The following PPP2R5B variants were observed in gnomAD, a reference collection of about 807,000 sequenced individuals.
PPP2R5B encodes the protein protein phosphatase 2 regulatory subunit B'beta.
A neutral mutation model predicts 59.9 loss-of-function variants in PPP2R5B; 19 were observed. The observed-to-expected ratio is 0.32, with a 90% CI of 0.22 to 0.47. PPP2R5B has a LOEUF of 0.47. Ranked by LOEUF, PPP2R5B falls within the 20% of genes least tolerant of loss-of-function variation. PPP2R5B has a pLI of 1.00. For synonymous variants in PPP2R5B, 286 were observed against 260.5 expected, an observed-to-expected ratio of 1.10 and a Z score of -0.94; for missense variants, 441 against 640.2, an observed-to-expected ratio of 0.69 and a Z score of 3.36.
At chr11:64,928,017 G>A in intron 4 of PPP2R5B, 49 bp from the exon 5 acceptor site, 1 of 1,585,354 alleles carries the variant, frequency 6.3e-7, no homozygotes, top group South Asian at 1.1e-5. Flanking sequence ...TGGAATGAGT[G>A]GGTGAGGCTG....
At chr11:64,930,832 C>T (rs1158479774) in intron 8 of PPP2R5B, among the ~76,000 whole-genome samples, 1 of 152,170 alleles carries the variant, frequency 6.6e-6, no homozygotes, top group East Asian at 1.9e-4. Context: ...CATCTATATT[C>T]CCAAATATTT....
chr11:64,922,149 T>C (rs1295464478), upstream of PPP2R5B, among the ~76,000 whole-genome samples: 1 of 150,972 alleles, frequency 6.6e-6, no homozygotes, highest in Non-Finnish European at 1.5e-5. Context: ...GAGGCAGAGG[T>C]TGCAGTGAGC....
rs1170701255 is a variant in PPP2R5B, at chr11:64,933,372, C to A, written c.1346+126C>A. ...ATCAGATGCTGCAAGACTGTCCATGCTCCTGCCATCCTATGCCTGACTGTC... is the reference window on the plus strand; with the variant it reads ...ATCAGATGCTGCAAGACTGTCCATGATCCTGCCATCCTATGCCTGACTGTC... On this transcript the variant is annotated intron_variant, in intron 13 of 13. Coordinates refer to ENST00000164133, the MANE Select transcript of PPP2R5B (RefSeq NM_006244.4). The A allele has an allele frequency of 8.4e-6, 7 of 828,902 alleles. No individual in the cohort carries two copies. In the African/African-American group the frequency reaches 1.2e-4, roughly 14 times the overall value. The allele number at this position is 828,902 out of a possible 1,614,324, so 51.3% of individuals were successfully genotyped here. A position where few individuals can be genotyped will look rare whatever the true frequency, so the allele number is the denominator to read the frequency against.
rs1047769681 is a variant in PPP2R5B at position 64,933,928 on chromosome 11, A to G, written c.*84A>G. 2 of 1,400,116 alleles carry G rather than the reference A, an allele frequency of 1.4e-6. No homozygotes were observed. Among genetic ancestry groups the G allele is most frequent in the African/African-American group, 1.5e-5 (1 of 68,538 alleles). The allele number at this position is 1,400,116 out of a possible 1,614,324, so 86.7% of individuals were successfully genotyped here. Reference sequence around the variant, plus strand: ...CCTGTCCAGGGGCCCAGAGAGAAACACACCTACCCCTGGCCTTGCCAGAGT... The same window carrying G: ...CCTGTCCAGGGGCCCAGAGAGAAACGCACCTACCCCTGGCCTTGCCAGAGT... On this transcript the variant is annotated 3_prime_UTR_variant, in exon 14 of 14. Coordinates refer to ENST00000164133, the MANE Select transcript of PPP2R5B (RefSeq NM_006244.4).
At chr11:64,928,916 C>T (rs544928557) in intron 6 of PPP2R5B, among the ~76,000 whole-genome samples, 47 of 151,024 alleles carry the variant, frequency 3.1e-4, no homozygotes, top group Middle Eastern at 3.4e-3. Context: ...TACAGTGAGC[C>T]GAGATCATGC....
intron 13 of PPP2R5B, 45 bp from the exon 14 acceptor site, chr11:64,933,652 G>C: frequency 6.5e-7 from 1 of 1,532,146 alleles, no homozygotes; most frequent in Non-Finnish European, 8.8e-7. Context: ...AGTCTGGACT[G>C]TGGGGGGCCC....
chr11:64,928,942 T>C (rs1183891714), intron 6 of PPP2R5B, among the ~76,000 whole-genome samples: 1 of 147,280 alleles, frequency 6.8e-6, no homozygotes, highest in African/African-American at 2.6e-5. Context: ...CACTCCAGCC[T>C]GGGCAACGGG....
Position 64,925,955 on chromosome 11 carries a change from G to A in PPP2R5B, c.199+22G>A. The A allele has an allele frequency of 6.2e-7, 1 of 1,604,056 alleles. No homozygotes were observed. Among genetic ancestry groups the A allele is most frequent in the Non-Finnish European group, 8.5e-7 (1 of 1,176,192 alleles). ...AAAGGTGAGCTGGCTGCTGGCCACT[G>A]GGGGAACCGAACCCCCGAGGGGACC... On this transcript the variant is annotated intron_variant, in intron 2 of 13. Transcript: ENST00000164133. The surrounding 1 kb of genome is among the most constrained non-coding windows in gnomAD (Gnocchi z 4.6).
upstream of PPP2R5B, among the ~76,000 whole-genome samples, chr11:64,922,123 G>A (rs1482446001): frequency 6.6e-6 from 1 of 151,630 alleles, no homozygotes; most frequent in African/African-American, 2.4e-5. Context: ...GAGGTGGGAG[G>A]ATTGCTTGAG....
Position 64,933,615 on chromosome 11 carries a change from G to T in PPP2R5B, c.1347-82G>T, listed in dbSNP as rs993520764. 23 of 1,451,490 alleles carry T rather than the reference G, an allele frequency of 1.6e-5. No individual in the cohort carries two copies. In the African/African-American group the frequency reaches 3.3e-4, roughly 21 times the overall value. 89.9% of individuals were successfully genotyped at this position (1,451,490 alleles called of 1,614,324 possible). A position where few individuals can be genotyped will look rare whatever the true frequency, so the allele number is the denominator to read the frequency against. The stretch of plus-strand genomic sequence containing the variant: ...ATGCCTTCCCTTTGCCGGTGGGGTG[G>T]TAGTGAGGGAGTCTGGACTGTGAGG... On this transcript the variant is annotated intron_variant, in intron 13 of 13. Coordinates refer to ENST00000164133, the MANE Select transcript of PPP2R5B (RefSeq NM_006244.4).
At chr11:64,924,140 G>A (rs945443988), upstream of PPP2R5B, 4 of 152,216 alleles carry the variant, frequency 2.6e-5, no homozygotes, top group African/African-American at 9.7e-5. Flanking sequence ...AGACAGCAAG[G>A]GACGGGAGGG....
chr11:64,926,981 C>A, intron 3 of PPP2R5B, 73 bp downstream of exon 3: 2 of 1,513,094 alleles, frequency 1.3e-6, no homozygotes, highest in South Asian at 1.2e-5. Flanking sequence ...TCCGCAGGAC[C>A]CCTGCGTGGA....
At position 64,924,879 on chromosome 11, in the gene PPP2R5B, G is replaced by GC. The variant is rs542076719; in HGVS notation, c.-407dup. ...GCTGAGTTGGGGGCATGCTCTAGCC[G>GC]CCCCCCCGGAGCCCGGGAGAGAACC... is the stretch of plus-strand genomic sequence containing the variant. On this transcript the variant is annotated 5_prime_UTR_variant, in exon 1 of 14. Coordinates refer to ENST00000164133, the MANE Select transcript of PPP2R5B (RefSeq NM_006244.4). 0.021 allele frequency: 3,226 copies of GC among 152,390 alleles called. 105 individuals carry two copies. The highest frequency in any genetic ancestry group is 0.072 in the African/African-American group (2,998 of 41,544). 9.4% of individuals were successfully genotyped at this position (152,390 alleles called of 1,614,324 possible).
At chr11:64,919,000 GGA>G (rs1300715272) in intron 1 of PPP2R5B, among the ~76,000 whole-genome samples, 1 of 152,180 alleles carries the variant, frequency 6.6e-6, no homozygotes, top group Non-Finnish European at 1.5e-5. Context: ...TTACCTGGAA[GGA>G]GCAGGCTCCA....
At position 64,931,334 on chromosome 11, in the gene PPP2R5B, C is replaced by A; in HGVS notation, c.892-102C>A. On this transcript the variant is annotated intron_variant, in intron 8 of 13. Transcript: ENST00000164133. This position sits in a 1 kb window ranked among gnomAD's most constrained non-coding sequence, Gnocchi z 5.0. ...CTTGGTGAATAAGAAAGTAACAGGCCGTGGGTGAGCAGTATTTGGCATTCT... is the reference window on the plus strand; with the variant it reads ...CTTGGTGAATAAGAAAGTAACAGGCAGTGGGTGAGCAGTATTTGGCATTCT... 1 of 1,269,304 alleles carries A rather than the reference C, an allele frequency of 7.9e-7. No individual in the cohort carries two copies. Among genetic ancestry groups the A allele is most frequent in the South Asian group, 1.3e-5 (1 of 78,932 alleles). 78.6% of individuals were successfully genotyped at this position (1,269,304 alleles called of 1,614,324 possible).
In PPP2R5B at chr11:64,933,796, C is replaced by A. The variant is rs1489188334; in HGVS notation, c.1446C>A (p.Pro482=). 9 of 1,553,098 alleles carry A rather than the reference C, an allele frequency of 5.8e-6. No individual in the cohort carries two copies. The highest frequency in any genetic ancestry group is 7.8e-6 in the Non-Finnish European group (9 of 1,148,032). ...LQGTQGAKEA[P]LQRLTPQVAA... Reference sequence around the variant, plus strand: ...GGACCCAGGGGGCCAAGGAGGCCCCCCTCCAGCGGCTTACACCCCAGGTGG... The same window carrying A: ...GGACCCAGGGGGCCAAGGAGGCCCCACTCCAGCGGCTTACACCCCAGGTGG... Residue 482 remains proline (P), a synonymous_variant, in exon 14 of 14, where the codon CCC becomes CCA. Transcript: ENST00000164133.
At chr11:64,928,463 G>T in intron 6 of PPP2R5B, 38 bp downstream of exon 6, 1 of 1,613,478 alleles carries the variant, frequency 6.2e-7, no homozygotes, top group Non-Finnish European at 8.5e-7. Context: ...GACCTGGGGA[G>T]GGTGAGAGGG....
At chr11:64,933,395 G>C (rs1945250197) in intron 13 of PPP2R5B, 149 bp downstream of exon 13, 3 of 745,232 alleles carry the variant, frequency 4.0e-6, no homozygotes, top group Non-Finnish European at 6.7e-6. Flanking sequence ...ATGCCTGACT[G>C]TCTGCCCCTG....
Position 64,931,895 on chromosome 11 carries a change from G to A in PPP2R5B, c.1116+27G>A, listed in dbSNP as rs1945231029. On this transcript the variant is annotated intron_variant, in intron 11 of 13. Coordinates refer to ENST00000164133, the MANE Select transcript of PPP2R5B (RefSeq NM_006244.4). This position sits in a 1 kb window ranked among gnomAD's most constrained non-coding sequence, Gnocchi z 5.0. ...TATGAGGCAGGACAGGCGGGGATGG[G>A]AGCAGGGCTGGCCTGGAAAGGTTGG... The A allele has an allele frequency of 6.2e-7, 1 of 1,611,410 alleles. No individual in the cohort carries two copies. The highest frequency in any genetic ancestry group is 8.5e-7 in the Non-Finnish European group (1 of 1,178,850).
Sources: allele counts gnomAD v4.1 joint callset (sites outside exome capture counted in the v4.1 genomes callset), GRCh38; gene constraint gnomAD v4.1.1; non-coding constraint Gnocchi (gnomAD v3.1); transcripts MANE v1.5; gene names NCBI Gene and HGNC (gene_info 2026-07-23, HGNC 2026-07-21).